AKR1B10: variants seen among roughly 807,000 people sequenced by gnomAD.
AKR1B10 encodes ARP.
In AKR1B10, 39 loss-of-function variants were observed where a neutral mutation model predicts 38.9. The observed-to-expected ratio is 1.00, with a 90% CI of 0.78 to 1.31. AKR1B10 has a LOEUF of 1.31. Among genes scored for constraint, AKR1B10 ranks in the 50% most tolerant of loss-of-function variants. The pLI is 0.00. For missense variants in AKR1B10, 361 were observed against 382.6 expected, an observed-to-expected ratio of 0.94 and a Z score of 0.47; for synonymous variants, 148 against 141.2, an observed-to-expected ratio of 1.05 and a Z score of -0.34.
chr7:134,536,395 G>A (rs1224326171), intron 4 of AKR1B10, among the ~76,000 whole-genome samples: 3 of 152,024 alleles, frequency 2.0e-5, no homozygotes, highest in East Asian at 1.9e-4. Flanking sequence ...GTTTCTTCAC[G>A]TGTAAGGTGA....
At chr7:134,535,668 G>A (rs1166897605) in intron 4 of AKR1B10, 1 of 963,524 alleles carries the variant, frequency 1.0e-6, no homozygotes, top group Non-Finnish European at 1.2e-6. Context: ...CGGGCTGTAT[G>A]TATCTCTTCT....
At position 134,527,868 on chromosome 7, in the gene AKR1B10, G is replaced by T. The variant is rs374392895; in HGVS notation, c.-44G>T. On this transcript the variant is annotated 5_prime_UTR_variant, in exon 1 of 10. Transcript: ENST00000359579. ...CAAAAACAGCAACAGAGAGCAGGAC[G>T]TGAGACTTCTACCTGCTCACTCAGA... 1.2e-6 allele frequency: 2 copies of T among 1,611,844 alleles called. No individual in the cohort carries two copies. The highest frequency in any genetic ancestry group is 1.3e-5 in the African/African-American group (1 of 74,856).
At position 134,541,076 on chromosome 7, in the gene AKR1B10, A is replaced by G; in HGVS notation, c.938A>G (p.Asn313Ser). ...TCTCATTTGGAAGACTATCCCTTCA[A>G]TGCAGAATATTGAGGTTGAATCTCC... is the stretch of plus-strand genomic sequence containing the variant. ...QSSHLEDYPF[N>S]AEY Residue 313 changes from asparagine to serine, a missense_variant, in exon 10 of 10, where the codon AAT (asparagine) becomes AGT (serine). By Grantham distance (46) the Asn-to-Ser change is conservative. Transcript: ENST00000359579. The G allele has an allele frequency of 6.3e-7, 1 of 1,577,856 alleles. No individual in the cohort carries two copies. Among genetic ancestry groups the G allele is most frequent in the Non-Finnish European group, 8.7e-7 (1 of 1,148,306 alleles).
intron 9 of AKR1B10, among the ~76,000 whole-genome samples, chr7:134,539,307 C>A (rs1204437511): frequency 6.6e-6 from 1 of 152,120 alleles, no homozygotes; most frequent in African/African-American, 2.4e-5. Context: ...ATCAATATCT[C>A]ACGGTCATCT....
intron 6 of AKR1B10, 106 bp downstream of exon 6, chr7:134,537,263 G>A (rs906021136): frequency 1.8e-5 from 27 of 1,470,352 alleles, no homozygotes; most frequent in Non-Finnish European, 2.3e-5. Flanking sequence ...AGAAAAATGT[G>A]TGTAAGGTAA....
rs1214723492 is a variant in AKR1B10, at chr7:134,530,723, T to C, written c.147T>C (p.Tyr49=). Residue 49 remains tyrosine (Y), a synonymous_variant, in exon 2 of 10, where the codon TAT becomes TAC. Coordinates refer to ENST00000359579, the MANE Select transcript of AKR1B10 (RefSeq NM_020299.5). ...GGCACATTGACTGTGCCTATGTCTA[T>C]CAGAATGAACATGAAGTGGGGGAAG... ...GYRHIDCAYV[Y]QNEHEVGEAI... is the part of the protein sequence containing the mutation. The C allele has an allele frequency of 1.2e-5, 20 of 1,613,934 alleles. No homozygotes were observed. Among genetic ancestry groups the C allele is most frequent in the Non-Finnish European group, 1.7e-5 (20 of 1,179,984 alleles).
At chr7:134,528,049 G>T in intron 1 of AKR1B10, 72 bp downstream of exon 1, 1 of 1,572,606 alleles carries the variant, frequency 6.4e-7, no homozygotes, top group Non-Finnish European at 8.7e-7. Context: ...TCTGCATTCA[G>T]CCAGGAAAGC....
chr7:134,538,688 C>T (rs537648221), intron 8 of AKR1B10, among the ~76,000 whole-genome samples: 2 of 152,140 alleles, frequency 1.3e-5, no homozygotes, highest in African/African-American at 2.4e-5. Flanking sequence ...GGCCTGTGCA[C>T]GCCTGGGGTT....
In AKR1B10 at chr7:134,530,695, A is replaced by G. The variant is rs1198519963; in HGVS notation, c.119A>G (p.Tyr40Cys). The G allele has an allele frequency of 6.2e-7, 1 of 1,614,130 alleles. No individual in the cohort carries two copies. The highest frequency in any genetic ancestry group is 1.7e-5 in the Admixed American group (1 of 60,028). Residue 40 changes from tyrosine to cysteine, a missense_variant, in exon 2 of 10, where the codon TAT becomes TGT. By Grantham distance (194) the Tyr-to-Cys change is radical (BLOSUM62 -2). This residue lies in a region of AKR1B10 where 220 missense variants were observed against 216.1 expected (regional missense o/e 1.02). Transcript: ENST00000359579. ...EAVKVAIDAGYRHIDCAYVYQ... is the reference protein window; with the variant it reads ...EAVKVAIDAGCRHIDCAYVYQ... ...GTGAAGGTGGCCATTGATGCAGGAT[A>G]TCGGCACATTGACTGTGCCTATGTC...
chr7:134,538,339 T>G, intron 8 of AKR1B10, 62 bp downstream of exon 8: 2 of 1,465,716 alleles, frequency 1.4e-6, no homozygotes, highest in Non-Finnish European at 1.9e-6. Flanking sequence ...GCAGACCTTC[T>G]CACTAGGCTT....
chr7:134,532,400 CT>C lies in AKR1B10; in HGVS notation c.351+378del, dbSNP rs371315945. Among the ~76,000 whole-genome samples the C allele has an allele frequency of 4.3e-3, 656 of 152,248 alleles. 2 individuals carry two copies. The highest frequency in any genetic ancestry group is 0.015 in the African/African-American group (632 of 41,538). ...TAACTATATTCCAGGGCATAATTAT[CT>C]TATTAAGCAAAGTACACCTGGGAGT... On this transcript the variant is annotated intron_variant, in intron 3 of 9. Coordinates refer to ENST00000359579, the MANE Select transcript of AKR1B10 (RefSeq NM_020299.5).
chr7:134,528,400 G>T (rs1204893460), intron 1 of AKR1B10, among the ~76,000 whole-genome samples: 1 of 152,096 alleles, frequency 6.6e-6, no homozygotes, highest in Non-Finnish European at 1.5e-5. Flanking sequence ...ACTTGGGCTA[G>T]CAGCATCCCT....
intron 4 of AKR1B10, chr7:134,535,801 A>G: frequency 1.6e-6 from 1 of 624,726 alleles, no homozygotes; most frequent in Non-Finnish European, 2.0e-6. Flanking sequence ...AGAATCCCAG[A>G]AAAAGGGAGC....
At chr7:134,532,897 G>A in intron 3 of AKR1B10, 107 bp from the exon 4 acceptor site, 1 of 850,156 alleles carries the variant, frequency 1.2e-6, no homozygotes, top group Non-Finnish European at 1.9e-6. Context: ...TTGAAAAAGT[G>A]GTATGCAGAT....
chr7:134,540,736 C>T (rs905230654), intron 9 of AKR1B10, among the ~76,000 whole-genome samples: 3 of 152,194 alleles, frequency 2.0e-5, no homozygotes, highest in Non-Finnish European at 2.9e-5. Context: ...TTGTTTCCTA[C>T]TTCATGATGT....
Position 134,536,730 on chromosome 7 carries a change from C to G in AKR1B10, c.510C>G (p.Leu170=). 1.2e-6 allele frequency: 2 copies of G among 1,613,900 alleles called. No homozygotes were observed. The highest frequency in any genetic ancestry group is 1.7e-6 in the Non-Finnish European group (2 of 1,179,824). The change falls in exon 5 of 10, where the codon CTC becomes CTG. Residue 170 remains leucine (L), a synonymous_variant. Coordinates refer to ENST00000359579, the MANE Select transcript of AKR1B10 (RefSeq NM_020299.5). Reference sequence around the variant, plus strand: ...TCAGCCACTTCCAGATCGAGAAGCTCTTGAACAAACCTGGACTGAAATATA... The same window carrying G: ...TCAGCCACTTCCAGATCGAGAAGCTGTTGAACAAACCTGGACTGAAATATA... ...SNFSHFQIEK[L]LNKPGLKYKP... is the part of the protein sequence containing the mutation.
At position 134,532,035 on chromosome 7, in the gene AKR1B10, C is replaced by G. The variant is rs1483863050; in HGVS notation, c.351+11C>G. The G allele has an allele frequency of 6.2e-7, 1 of 1,613,182 alleles. No homozygotes were observed. Among genetic ancestry groups the G allele is most frequent in the Non-Finnish European group, 8.5e-7 (1 of 1,179,794 alleles). ...CCACAGGGATTCAAGGTTTAAGACA[C>G]TCTCTTTCTCAGCCTCTAGTTTCTG... On this transcript the variant is annotated intron_variant, in intron 3 of 9. Coordinates refer to ENST00000359579, the MANE Select transcript of AKR1B10 (RefSeq NM_020299.5).
In AKR1B10 at chr7:134,537,630, T is replaced by A. The variant is rs1165817735; in HGVS notation, c.710T>A (p.Ile237Asn). ...CTGGAGGATCCCAAGATTAAGGAGA[T>A]TGCTGCAAAGCACAAAAAAACCGCA... ...SLLEDPKIKE[I>N]AAKHKKTAAQ... Residue 237 changes from isoleucine to asparagine, a missense_variant, in exon 7 of 10, where the codon ATT becomes AAT. Transcript: ENST00000359579. 1 of 1,614,016 alleles carries A rather than the reference T, an allele frequency of 6.2e-7. No homozygotes were observed. The highest frequency in any genetic ancestry group is 1.3e-5 in the African/African-American group (1 of 74,932).
At chr7:134,538,366 A>C in intron 8 of AKR1B10, 89 bp downstream of exon 8, 2 of 1,315,216 alleles carry the variant, frequency 1.5e-6, no homozygotes, top group Non-Finnish European at 2.2e-6. Context: ...TCATCGCTGC[A>C]TTGTCTTTTG....
Sources: allele counts gnomAD v4.1 joint callset (sites outside exome capture counted in the v4.1 genomes callset), GRCh38; gene constraint gnomAD v4.1.1; regional missense constraint gnomAD v4.1.1; transcripts MANE v1.5; gene names NCBI Gene and HGNC (gene_info 2026-07-23, HGNC 2026-07-21).